The following TBC1D19 variants were observed in gnomAD, a reference collection of about 807,000 sequenced individuals.
TBC1D19 encodes TBC1 domain family member 19.
TBC1D19 carries 60 observed loss-of-function variants against 89.0 expected under a neutral mutation model. The observed-to-expected ratio is 0.67, with a 90% CI of 0.55 to 0.84. The LOEUF is 0.84. TBC1D19 is among the 40% of genes least tolerant of loss of function. The pLI, the probability that TBC1D19 is intolerant of heterozygous loss-of-function variation, is 0.00. For missense variants in TBC1D19, 500 were observed against 610.8 expected (o/e 0.82, Z 1.91); for synonymous variants, 189 against 199.7 (o/e 0.95, Z 0.45).
At chr4:26,595,546 A>G (rs564957568) in intron 1 of TBC1D19, among the ~76,000 whole-genome samples, 14 of 152,172 alleles carry the variant, frequency 9.2e-5, no homozygotes, top group Admixed American at 2.0e-4. Flanking sequence ...TTATATTTCT[A>G]TGTGTTACAT....
intron 13 of TBC1D19, among the ~76,000 whole-genome samples, chr4:26,694,404 C>T (rs987366174): frequency 6.6e-6 from 1 of 152,188 alleles, no homozygotes; most frequent in East Asian, 1.9e-4. Flanking sequence ...CTAGGAAGCT[C>T]GAACTGGGTG....
chr4:26,851,312 T>C, the TBC1D19 span, among the ~76,000 whole-genome samples: 3 of 101,186 alleles, frequency 3.0e-5, 1 homozygote, highest in East Asian at 2.7e-4. Context: ...ACCCTATCTA[T>C]CTATCTATCT....
intron 10 of TBC1D19, among the ~76,000 whole-genome samples, chr4:26,673,256 A>G (rs1712471541): frequency 6.6e-6 from 1 of 151,674 alleles, no homozygotes; most frequent in Non-Finnish European, 1.5e-5. Context: ...AAGTCATTTA[A>G]TAGAATAGAT....
intron 13 of TBC1D19, among the ~76,000 whole-genome samples, chr4:26,713,246 C>T (rs1234076353): frequency 6.6e-6 from 1 of 152,070 alleles, no homozygotes; most frequent in East Asian, 1.9e-4. Flanking sequence ...CAAATCACAA[C>T]ATAAAATTGA....
At chr4:26,819,870 A>G in the TBC1D19 span, among the ~76,000 whole-genome samples, 1 of 152,306 alleles carries the variant, frequency 6.6e-6, no homozygotes, top group East Asian at 1.9e-4. Flanking sequence ...CTCATGACTC[A>G]GAGCCACCGT....
chr4:26,829,226 C>T, the TBC1D19 span, among the ~76,000 whole-genome samples: 4 of 152,202 alleles, frequency 2.6e-5, no homozygotes, highest in African/African-American at 7.2e-5. Context: ...AAAACCTTAT[C>T]GCAGTTCAGT....
chr4:26,673,446 T>TATACACAC (rs373807642), intron 10 of TBC1D19, among the ~76,000 whole-genome samples: 32 of 90,872 alleles, frequency 3.5e-4, no homozygotes, highest in African/African-American at 1.1e-3. Context: ...TATATATATA[T>TATACACAC]ACACACACAC....
rs1266976007 is a variant in TBC1D19, at chr4:26,734,995, T to C, written c.1085-460T>C. On this transcript the variant is annotated intron_variant, in intron 15 of 20. Coordinates refer to ENST00000264866, the MANE Select transcript of TBC1D19 (RefSeq NM_018317.4). ...GTATACACATATGTATATGTATATA[T>C]GTATACACATATGTATATGTGTATA... Among the ~76,000 whole-genome samples the C allele has an allele frequency of 1.3e-4, 13 of 103,620 alleles. No individual in the cohort carries two copies. The East Asian group carries it at 3.5e-3, about 28-fold the overall frequency. The allele number at this position is 103,620 out of a possible 152,430, so 68.0% of individuals were successfully genotyped here.
intron 4 of TBC1D19, among the ~76,000 whole-genome samples, chr4:26,632,948 TGTG>T (rs1416445049): frequency 1.3e-5 from 2 of 152,138 alleles, no homozygotes; most frequent in African/African-American, 4.8e-5. Context: ...CTTCCTCTGG[TGTG>T]GTGTCTATTA....
chr4:26,608,471 A>G (rs1741143575), intron 1 of TBC1D19, among the ~76,000 whole-genome samples: 1 of 152,182 alleles, frequency 6.6e-6, no homozygotes, highest in Non-Finnish European at 1.5e-5. Flanking sequence ...TTGCTAAATC[A>G]TGTTTGGGAA....
At chr4:26,655,818 C>T (rs1053396843) in intron 7 of TBC1D19, among the ~76,000 whole-genome samples, 1 of 152,248 alleles carries the variant, frequency 6.6e-6, no homozygotes, top group African/African-American at 2.4e-5. Flanking sequence ...CCTTGCACTT[C>T]CTGCGTGAGG....
chr4:26,760,167 TC>T (rs1441130090), downstream of TBC1D19, among the ~76,000 whole-genome samples: 2 of 152,240 alleles, frequency 1.3e-5, no homozygotes, highest in African/African-American at 4.8e-5. Context: ...ATTTGTATTT[TC>T]CTAATGATAT....
the TBC1D19 span, among the ~76,000 whole-genome samples, chr4:26,823,257 A>ATT: frequency 6.6e-6 from 1 of 152,150 alleles, no homozygotes; most frequent in Non-Finnish European, 1.5e-5. Context: ...AGCGGGAAAG[A>ATT]CCTGCCCCCA....
chr4:26,663,809 A>ACC (rs1711554422), intron 8 of TBC1D19, among the ~76,000 whole-genome samples: 1 of 152,164 alleles, frequency 6.6e-6, no homozygotes, highest in East Asian at 1.9e-4. Flanking sequence ...CTGTGCGAGT[A>ACC]TTGAACTTGG....
chr4:26,720,840 T>C (rs183192293), intron 15 of TBC1D19, among the ~76,000 whole-genome samples: 258 of 152,246 alleles, frequency 1.7e-3, no homozygotes, highest in African/African-American at 6.0e-3. Context: ...GAACTTCAGG[T>C]TCATCATCTG....
chr4:26,797,309 A>C, the TBC1D19 span, among the ~76,000 whole-genome samples: 24 of 152,208 alleles, frequency 1.6e-4, no homozygotes, highest in African/African-American at 5.3e-4. Context: ...TGGCCACAAA[A>C]GAATAAAATA....
At chr4:26,856,598 A>G in the TBC1D19 span, among the ~76,000 whole-genome samples, 613 of 152,368 alleles carry the variant, frequency 4.0e-3, 7 homozygotes, top group African/African-American at 0.014. Flanking sequence ...CACTAACAGT[A>G]TACCAGGGTT....
intron 1 of TBC1D19, among the ~76,000 whole-genome samples, chr4:26,609,075 G>T (rs1476422738): frequency 9.3e-6 from 1 of 107,442 alleles, no homozygotes; most frequent in Non-Finnish European, 1.9e-5. Context: ...GGGGGAGGGG[G>T]GAGGGGTAGC....
chr4:26,851,244 G>A, the TBC1D19 span, among the ~76,000 whole-genome samples: 1 of 151,952 alleles, frequency 6.6e-6, no homozygotes, highest in East Asian at 1.9e-4. Flanking sequence ...GGTTGCAGAG[G>A]GCCTGTCATG....
Sources: allele counts gnomAD v4.1 joint callset (sites outside exome capture counted in the v4.1 genomes callset), GRCh38; gene constraint gnomAD v4.1.1; transcripts MANE v1.5; gene names NCBI Gene and HGNC (gene_info 2026-07-23, HGNC 2026-07-21).